Variants in CDH4 observed in about 807,000 individuals in gnomAD.
CDH4 encodes the protein cadherin 4.
In CDH4, 33 loss-of-function variants were observed where a neutral mutation model predicts 86.0. That is an observed-to-expected ratio of 0.38 (90% confidence interval 0.29 to 0.51). The LOEUF is 0.51. Among genes scored for constraint, CDH4 ranks in the 20% least tolerant of loss-of-function variants. The pLI, the probability that CDH4 is intolerant of heterozygous loss-of-function variation, is 0.86. For synonymous variants in CDH4, 555 were observed against 549.4 expected (o/e 1.01, Z -0.14); for missense variants, 1,114 against 1,307.4 (o/e 0.85, Z 2.28).
chr20:61,415,936 A>G (rs2085144420), intron 2 of CDH4, among the ~76,000 whole-genome samples: 1 of 150,940 alleles, frequency 6.6e-6, no homozygotes, highest in African/African-American at 2.4e-5. Flanking sequence ...CTGGCCTCAA[A>G]TGATCCACCT....
At chr20:61,278,125 A>G (rs1600827646) in intron 2 of CDH4, among the ~76,000 whole-genome samples, 1 of 152,170 alleles carries the variant, frequency 6.6e-6, no homozygotes, top group African/African-American at 2.4e-5. Flanking sequence ...AAGGAGCCCC[A>G]CCTGTGACTC....
chr20:61,927,074 G>A (rs369034189), intron 11 of CDH4, among the ~76,000 whole-genome samples: 3 of 152,204 alleles, frequency 2.0e-5, no homozygotes, highest in African/African-American at 4.8e-5. Context: ...CAAAGGTAGC[G>A]CCGCGCTGCG....
At chr20:61,573,004 G>GGATT (rs1295284803) in intron 2 of CDH4, among the ~76,000 whole-genome samples, 52 of 147,634 alleles carry the variant, frequency 3.5e-4, no homozygotes, top group African/African-American at 1.2e-3. Context: ...ACGGACGGAT[G>GGATT]GATGGATTGA....
chr20:61,921,760 A>G (rs1360090608), intron 9 of CDH4, among the ~76,000 whole-genome samples: 1 of 151,414 alleles, frequency 6.6e-6, no homozygotes, highest in East Asian at 1.9e-4. Context: ...AAAAAAAAAA[A>G]AAAAAAAAAT....
At chr20:61,875,054 G>A (rs1351719978) in intron 7 of CDH4, among the ~76,000 whole-genome samples, 9 of 152,200 alleles carry the variant, frequency 5.9e-5, no homozygotes, top group African/African-American at 9.6e-5. Context: ...TGCTGGTGTC[G>A]CTTTTGGGGC....
intron 2 of CDH4, among the ~76,000 whole-genome samples, chr20:61,603,557 A>C (rs970344332): frequency 6.6e-6 from 1 of 152,182 alleles, no homozygotes; most frequent in African/African-American, 2.4e-5. Flanking sequence ...GGGAGACCCA[A>C]AGCACAGGGA....
At chr20:61,585,498 G>T (rs1019875190) in intron 2 of CDH4, among the ~76,000 whole-genome samples, 36 of 152,236 alleles carry the variant, frequency 2.4e-4, no homozygotes, top group African/African-American at 8.7e-4. Context: ...TTAATTTTCA[G>T]TCTCCATATT....
chr20:61,458,584 G>T (rs1272086790), intron 2 of CDH4, among the ~76,000 whole-genome samples: 1 of 152,048 alleles, frequency 6.6e-6, no homozygotes, highest in Non-Finnish European at 1.5e-5. Flanking sequence ...TGGTGATAAT[G>T]ATTTGGATAG....
intron 4 of CDH4, among the ~76,000 whole-genome samples, chr20:61,839,507 G>T (rs1291690336): frequency 1.5e-5 from 2 of 137,586 alleles, no homozygotes; most frequent in Non-Finnish European, 3.3e-5. Flanking sequence ...TGTGTATTTA[G>T]TGTGTGTTGT....
At chr20:61,750,229 G>A (rs1235534033) in intron 3 of CDH4, among the ~76,000 whole-genome samples, 2 of 152,132 alleles carry the variant, frequency 1.3e-5, no homozygotes, top group Non-Finnish European at 2.9e-5. Flanking sequence ...CTACAAGGCT[G>A]ATCAGACTGA....
At chr20:61,396,708 G>A (rs1568828709) in intron 2 of CDH4, among the ~76,000 whole-genome samples, 1 of 152,156 alleles carries the variant, frequency 6.6e-6, no homozygotes, top group Non-Finnish European at 1.5e-5. Flanking sequence ...CAGTTCTGGG[G>A]CCCTGCGGAG....
At chr20:61,840,478 C>T (rs1272133704) in intron 4 of CDH4, among the ~76,000 whole-genome samples, 1 of 152,222 alleles carries the variant, frequency 6.6e-6, no homozygotes, top group Non-Finnish European at 1.5e-5. Context: ...AGAGGAGAAC[C>T]GGCCTTCCAA....
intron 11 of CDH4, 89 bp downstream of exon 11, chr20:61,924,565 C>T: frequency 7.0e-7 from 1 of 1,428,646 alleles, no homozygotes; most frequent in Non-Finnish European, 9.5e-7. Flanking sequence ...CCAGGGAGAC[C>T]CCGAGAGGCC....
intron 2 of CDH4, among the ~76,000 whole-genome samples, chr20:61,662,706 C>T (rs1242136130): frequency 1.3e-5 from 2 of 152,196 alleles, no homozygotes; most frequent in African/African-American, 4.8e-5. Flanking sequence ...TGCCCAGCTG[C>T]TCGCGTGGCC....
At chr20:61,707,005 G>GC (rs1160720822) in intron 2 of CDH4, among the ~76,000 whole-genome samples, 1 of 152,352 alleles carries the variant, frequency 6.6e-6, no homozygotes, top group African/African-American at 2.4e-5. Context: ...CTGCCTGCAA[G>GC]CAATCTCAAA....
chr20:61,935,287 CAACAGAAA>C (rs1600795054), intron 15 of CDH4, among the ~76,000 whole-genome samples: 1 of 152,244 alleles, frequency 6.6e-6, no homozygotes, highest in African/African-American at 2.4e-5. Context: ...GGCAGTGATT[CAACAGAAA>C]GACAGAAAGG....
At position 61,743,652 on chromosome 20, in the gene CDH4, G is replaced by T. The variant is rs776268387; in HGVS notation, c.259G>T (p.Ala87Ser). The T allele has an allele frequency of 1.3e-6, 2 of 1,596,762 alleles. No homozygotes were observed. The highest frequency in any genetic ancestry group is 1.7e-6 in the Non-Finnish European group (2 of 1,171,490). The change falls in exon 3 of 16, where the codon GCC (alanine) becomes TCC (serine). Residue 87 changes from alanine (A) to serine (S), a missense_variant. Physicochemically the swap from Ala to Ser is moderately conservative, Grantham distance 99. Coordinates refer to ENST00000614565, the MANE Select transcript of CDH4 (RefSeq NM_001794.5). ...AGTTGGGGCAGATGGGACAGTCTTC[G>T]CCACCCGGGAGCTGCAGGTCCCCTC... ...FKVGADGTVF[A>S]TRELQVPSEQ...
At chr20:61,559,893 G>A (rs530958753) in intron 2 of CDH4, among the ~76,000 whole-genome samples, 113 of 152,260 alleles carry the variant, frequency 7.4e-4, no homozygotes, top group African/African-American at 2.6e-3. Flanking sequence ...TGCCAGTGCG[G>A]TGTGCACCAG....
At chr20:61,799,272 G>C (rs1294438844) in intron 4 of CDH4, among the ~76,000 whole-genome samples, 1 of 152,228 alleles carries the variant, frequency 6.6e-6, no homozygotes, top group Non-Finnish European at 1.5e-5. Flanking sequence ...CAACTGGCTG[G>C]TGTGAGTGTT....
Sources: allele counts gnomAD v4.1 joint callset (sites outside exome capture counted in the v4.1 genomes callset), GRCh38; gene constraint gnomAD v4.1.1; transcripts MANE v1.5; gene names NCBI Gene and HGNC (gene_info 2026-07-23, HGNC 2026-07-21).